Variants in CDH18 observed in about 807,000 individuals in gnomAD.
CDH18 encodes the protein cadherin 18, also known as cadherin-18.
Under a neutral mutation model 67.9 loss-of-function variants are expected in CDH18, and 31 were observed. That is an observed-to-expected ratio of 0.46 (90% CI 0.34 to 0.62). The LOEUF (loss-of-function observed/expected upper bound fraction) is 0.62. Ranked by LOEUF, CDH18 falls within the 20% of genes least tolerant of loss-of-function variation. The pLI is 0.01. For missense variants in CDH18, 890 were observed against 975.5 expected (o/e 0.91, Z 1.17); for synonymous variants, 362 against 347.2 (o/e 1.04, Z -0.48).
chr5:20,281,353 A>G (rs1466227187), intron 1 of CDH18, among the ~76,000 whole-genome samples: 1 of 152,168 alleles, frequency 6.6e-6, no homozygotes, highest in East Asian at 1.9e-4. Context: ...CTAACATTTA[A>G]GTCTTTAATC....
chr5:20,292,624 G>A (rs1218986755), intron 1 of CDH18, among the ~76,000 whole-genome samples: 2 of 152,120 alleles, frequency 1.3e-5, no homozygotes, highest in Non-Finnish European at 2.9e-5. Flanking sequence ...ATTTCAAATT[G>A]CCAGCAGTGC....
chr5:20,102,769 G>C (rs1197297945), intron 2 of CDH18, among the ~76,000 whole-genome samples: 1 of 151,966 alleles, frequency 6.6e-6, no homozygotes, highest in East Asian at 1.9e-4. Flanking sequence ...AGGAGGTGAA[G>C]ATGAAAAGGA....
chr5:20,271,923 G>GAAGAGAGAGAGA, intron 1 of CDH18, among the ~76,000 whole-genome samples: 1 of 81,348 alleles, frequency 1.2e-5, no homozygotes, highest in African/African-American at 4.5e-5. Flanking sequence ...CTGTAGAGAG[G>GAAGAGAGAGAGA]CAGAGAGAGA....
intron 2 of CDH18, among the ~76,000 whole-genome samples, chr5:20,071,072 C>G (rs1195569911): frequency 6.6e-6 from 1 of 152,084 alleles, no homozygotes; most frequent in Non-Finnish European, 1.5e-5. Flanking sequence ...CAAAATGAAA[C>G]TGAGATTTGA....
chr5:20,510,202 G>A (rs999050063), intron 1 of CDH18, among the ~76,000 whole-genome samples: 1 of 152,072 alleles, frequency 6.6e-6, no homozygotes, highest in East Asian at 1.9e-4. Context: ...TCTGAGAGAT[G>A]TCTGTTTAGG....
chr5:20,061,741 T>C (rs1302648079), intron 2 of CDH18, among the ~76,000 whole-genome samples: 1 of 152,224 alleles, frequency 6.6e-6, no homozygotes, highest in African/African-American at 2.4e-5. Flanking sequence ...ACATCCATCT[T>C]ACAAAGTGAA....
At chr5:19,948,643 C>T (rs1795498673) in intron 2 of CDH18, among the ~76,000 whole-genome samples, 1 of 152,008 alleles carries the variant, frequency 6.6e-6, no homozygotes, top group South Asian at 2.1e-4. Context: ...ACTATATATA[C>T]ATGCACGCTC....
intron 1 of CDH18, among the ~76,000 whole-genome samples, chr5:20,357,497 A>T (rs4370275): frequency 0.2 from 30,929 of 152,036 alleles, 5,665 homozygotes; most frequent in East Asian, 0.52. Context: ...AAACAAGGAA[A>T]TTACATAAAC....
At chr5:20,215,474 A>C (rs1388742410) in intron 2 of CDH18, among the ~76,000 whole-genome samples, 1 of 25,666 alleles carries the variant, frequency 3.9e-5, no homozygotes, top group African/African-American at 3.1e-4. Flanking sequence ...ATAAATAAAC[A>C]AACCAGATGC....
At chr5:20,323,099 G>A (rs763643526) in intron 1 of CDH18, among the ~76,000 whole-genome samples, 18 of 152,032 alleles carry the variant, frequency 1.2e-4, no homozygotes, top group African/African-American at 2.9e-4. Context: ...TAATTCACAC[G>A]GTGAATGAAA....
intron 2 of CDH18, among the ~76,000 whole-genome samples, chr5:20,034,449 C>G (rs1291728740): frequency 6.6e-6 from 1 of 151,844 alleles, no homozygotes; most frequent in Admixed American, 6.6e-5. Context: ...CACACTGTGC[C>G]CAGATATTTG....
chr5:19,984,387 GAGGA>G (rs1799360415), intron 1 of CDH18, among the ~76,000 whole-genome samples: 1 of 151,974 alleles, frequency 6.6e-6, no homozygotes, highest in South Asian at 2.1e-4. Context: ...TGGATAATAT[GAGGA>G]AGGATGGAAA....
intron 2 of CDH18, among the ~76,000 whole-genome samples, chr5:20,134,304 C>T (rs1198405117): frequency 6.6e-6 from 1 of 151,936 alleles, no homozygotes; most frequent in African/African-American, 2.4e-5. Context: ...TTTATTTGAC[C>T]TTCATATTTT....
chr5:20,543,997 A>T (rs760672335), intron 1 of CDH18, among the ~76,000 whole-genome samples: 5 of 152,126 alleles, frequency 3.3e-5, no homozygotes, highest in Non-Finnish European at 7.4e-5. Context: ...ATTTTCTTTC[A>T]ATTGTCTATG....
At chr5:20,206,977 C>G (rs988947478) in intron 2 of CDH18, among the ~76,000 whole-genome samples, 2 of 151,810 alleles carry the variant, frequency 1.3e-5, no homozygotes. Context: ...CAATGTAATA[C>G]TGGAATTCCC....
Position 20,081,256 on chromosome 5 carries a change from T to G in CDH18, c.-517-89242A>C, listed in dbSNP as rs181036655. On this transcript the variant is annotated intron_variant, in intron 2 of 14. Transcript: ENST00000507958. ...CTTAAAGTTTTATATTTGGAAATGT[T>G]TATTTACAAAAATATGATACCTCAA... Among the ~76,000 whole-genome samples, 4 of 152,284 alleles carry G rather than the reference T, an allele frequency of 2.6e-5. No homozygotes were observed. The East Asian group carries it at 7.7e-4, about 29-fold the overall frequency.
intron 2 of CDH18, among the ~76,000 whole-genome samples, chr5:19,912,761 G>A (rs1025284696): frequency 3.3e-5 from 5 of 152,118 alleles, no homozygotes; most frequent in Non-Finnish European, 7.4e-5. Flanking sequence ...ATGAAATGCA[G>A]GAGGAAAGAA....
intron 5 of CDH18, among the ~76,000 whole-genome samples, chr5:19,686,452 A>T (rs1358202425): frequency 6.6e-6 from 1 of 152,148 alleles, no homozygotes; most frequent in Non-Finnish European, 1.5e-5. Context: ...AATTTGATGG[A>T]AAGTTGGAAC....
chr5:20,432,865 T>C (rs781401067), intron 1 of CDH18, among the ~76,000 whole-genome samples: 1 of 150,956 alleles, frequency 6.6e-6, no homozygotes, highest in Non-Finnish European at 1.5e-5. Context: ...CCCCTAAAAG[T>C]GACATATTAA....
Sources: gnomAD v4.1 joint callset for allele counts (sites outside exome capture counted in the v4.1 genomes callset) on GRCh38, gnomAD v4.1.1 for gene constraint, MANE v1.5 for transcripts, NCBI Gene and HGNC (gene_info 2026-07-23, HGNC 2026-07-21) for gene names.